Variants in HDAC4 observed in about 807,000 individuals in gnomAD.
HDAC4 encodes histone deacetylase A.
Under a neutral mutation model 135.1 loss-of-function variants are expected in HDAC4, and 16 were observed. The ratio of observed to expected loss-of-function variants is 0.12; its 90% CI spans 0.08 to 0.18. The LOEUF (loss-of-function observed/expected upper bound fraction) is 0.18. HDAC4 is among the 10% of genes least tolerant of loss of function. HDAC4 has a pLI of 1.00. For synonymous variants in HDAC4, 685 were observed against 653.4 expected, an observed-to-expected ratio of 1.05 and a Z score of -0.74; for missense variants, 1,143 against 1,511.8, an observed-to-expected ratio of 0.76 and a Z score of 4.05.
intron 2 of HDAC4, among the ~76,000 whole-genome samples, chr2:239,241,608 G>A (rs1368051943): frequency 1.3e-5 from 2 of 152,160 alleles, no homozygotes; most frequent in African/African-American, 4.8e-5. Context: ...CTGCTTTTAT[G>A]TCAGGTTCAA....
rs116441609 is a variant in HDAC4 at position 239,293,664 on chromosome 2, G to C, written c.23-57000C>G. Among the ~76,000 whole-genome samples the C allele has an allele frequency of 1.3e-3, 196 of 152,138 alleles. 1 individual carries two copies. Among genetic ancestry groups the C allele is most frequent in the Non-Finnish European group, 9.0e-4 (61 of 68,018 alleles). ...CCTCCAGGCTTCCTGCAGTGGCTAC[G>C]CACAGGGCATCTCTGGGCTCTCTCC... On this transcript the variant is annotated intron_variant, in intron 2 of 26. Coordinates refer to ENST00000543185, the MANE Select transcript of HDAC4 (RefSeq NM_001378414.1).
At chr2:239,125,086 CACGACTGATACGGTTATT>C (rs2040080032) in intron 12 of HDAC4, among the ~76,000 whole-genome samples, 1 of 152,364 alleles carries the variant, frequency 6.6e-6, no homozygotes, top group African/African-American at 2.4e-5. Flanking sequence ...ATGTGGCTAT[CACGACTGATACGGTTATT>C]ACGACTGATA....
At chr2:239,260,577 T>C (rs111697798) in intron 2 of HDAC4, among the ~76,000 whole-genome samples, 9 of 152,078 alleles carry the variant, frequency 5.9e-5, no homozygotes, top group African/African-American at 2.2e-4. Context: ...GCCTCAAGTG[T>C]CTCTATCAAA....
At chr2:239,267,102 C>T (rs968611165) in intron 2 of HDAC4, among the ~76,000 whole-genome samples, 2 of 152,142 alleles carry the variant, frequency 1.3e-5, no homozygotes, top group Admixed American at 6.5e-5. Flanking sequence ...TGGGGGGTGC[C>T]GCTTGACCAC....
Position 239,075,223 on chromosome 2 carries a change from CAAAAAAAAAAAAA to C in HDAC4, c.2750+5859_2750+5871del, listed in dbSNP as rs67188784. ...TGGGCGACAGAATGAGACTCCGTCT[CAAAAAAAAAAAAA>C]AAAAAAAAAAAAAAAAGAACTCAGT... On this transcript the variant is annotated intron_variant, in intron 22 of 26. Coordinates refer to ENST00000543185, the MANE Select transcript of HDAC4 (RefSeq NM_001378414.1). Among the ~76,000 whole-genome samples, 3 of 31,782 alleles carry C rather than the reference CAAAAAAAAAAAAA, an allele frequency of 9.4e-5. No individual in the cohort carries two copies. The East Asian group carries it at 3.4e-3, about 36-fold the overall frequency. 20.9% of individuals were successfully genotyped at this position (31,782 alleles called of 152,430 possible).
intron 22 of HDAC4, among the ~76,000 whole-genome samples, chr2:239,076,980 A>G (rs1018545126): frequency 2.0e-5 from 3 of 150,360 alleles, no homozygotes; most frequent in African/African-American, 7.4e-5. Flanking sequence ...ATCCCATCTC[A>G]CTTCAACCTC....
intron 2 of HDAC4, among the ~76,000 whole-genome samples, chr2:239,251,216 A>G (rs969527229): frequency 1.3e-5 from 2 of 152,234 alleles, no homozygotes; most frequent in Non-Finnish European, 2.9e-5. Flanking sequence ...ATGTTTTCAA[A>G]CAAAATTTTA....
In HDAC4 at chr2:239,349,951, G is replaced by T. The variant is rs754363252; in HGVS notation, c.22+2727C>A. Reference sequence around the variant, plus strand: ...GAGAGGTCGTGGGTGGCAATAAGGCGCACACAACCCAACTCACATGGGCAG... The same window carrying T: ...GAGAGGTCGTGGGTGGCAATAAGGCTCACACAACCCAACTCACATGGGCAG... On this transcript the variant is annotated intron_variant, in intron 2 of 26. Coordinates refer to ENST00000543185, the MANE Select transcript of HDAC4 (RefSeq NM_001378414.1). The surrounding 1 kb of genome is among the most constrained non-coding windows in gnomAD (Gnocchi z 5.7). Among the ~76,000 whole-genome samples the T allele has an allele frequency of 6.6e-6, 1 of 152,320 alleles. No individual in the cohort carries two copies. Among genetic ancestry groups the T allele is most frequent in the African/African-American group, 2.4e-5 (1 of 41,572 alleles).
intron 3 of HDAC4, among the ~76,000 whole-genome samples, chr2:239,224,061 C>G (rs550327316): frequency 6.6e-6 from 1 of 152,198 alleles, no homozygotes; most frequent in Admixed American, 6.5e-5. Context: ...CAGATCCATA[C>G]TAATCCTCAT....
Position 239,126,625 on chromosome 2 carries a change from G to A in HDAC4, c.1364C>T (p.Ser455Phe), listed in dbSNP as rs763782479. 3.1e-6 allele frequency: 5 copies of A among 1,614,026 alleles called. No homozygotes were observed. The highest frequency in any genetic ancestry group is 3.3e-5 in the Admixed American group (2 of 60,030). The change falls in exon 12 of 27, where the codon TCC (serine) becomes TTC (phenylalanine). Residue 455 changes from serine (S) to phenylalanine (F), a missense_variant. Physicochemically the swap from Ser to Phe is radical, Grantham distance 155. Coordinates refer to ENST00000543185, the MANE Select transcript of HDAC4 (RefSeq NM_001378414.1). ...CTGCCGCAGCTTGTGGATGGAGGGG[G>A]ACACCCGGTCTGCACCAACCAAGGA... ...AQSLVGADRV[S>F]PSIHKLRQHR... is the part of the protein sequence containing the mutation.
At chr2:239,385,205 G>A (rs1695707846) in intron 1 of HDAC4, among the ~76,000 whole-genome samples, 1 of 152,196 alleles carries the variant, frequency 6.6e-6, no homozygotes, top group Admixed American at 6.5e-5. Context: ...CAGCACCTCA[G>A]CTGAAAGGTC....
In HDAC4 at chr2:239,309,217, G is replaced by A. The variant is rs752403221; in HGVS notation, c.22+43461C>T. ...GGCCTCGCTGGGGAAGAATTCAGCCGCTCCACCCTGACATCTGGTTTCTAT... is the reference window on the plus strand; with the variant it reads ...GGCCTCGCTGGGGAAGAATTCAGCCACTCCACCCTGACATCTGGTTTCTAT... On this transcript the variant is annotated intron_variant, in intron 2 of 26. Coordinates refer to ENST00000543185, the MANE Select transcript of HDAC4 (RefSeq NM_001378414.1). The surrounding 1 kb of genome is among the most constrained non-coding windows in gnomAD (Gnocchi z 4.2). 9.2e-5 allele frequency: 14 copies of A among 152,032 alleles called. No homozygotes were observed. The highest frequency in any genetic ancestry group is 1.6e-4 in the Non-Finnish European group (11 of 68,022). 9.4% of individuals were successfully genotyped at this position (152,032 alleles called of 1,614,324 possible). A position where few individuals can be genotyped will look rare whatever the true frequency, so the allele number is the denominator to read the frequency against.
chr2:239,189,819 G>C lies in HDAC4; in HGVS notation c.339+14C>G. The C allele has an allele frequency of 6.2e-7, 1 of 1,600,116 alleles. No homozygotes were observed. On this transcript the variant is annotated intron_variant, in intron 4 of 26. Coordinates refer to ENST00000543185, the MANE Select transcript of HDAC4 (RefSeq NM_001378414.1). ...GGAGGCCTGGCCCACCCGCAGCCCC[G>C]CACCGCGCCTCACCTTGATGTGCTC...
At chr2:239,135,657 G>A (rs1290155324) in intron 9 of HDAC4, among the ~76,000 whole-genome samples, 3 of 152,182 alleles carry the variant, frequency 2.0e-5, no homozygotes, top group Non-Finnish European at 2.9e-5. Context: ...CCACTCTTGG[G>A]ATGTAACGTT....
intron 21 of HDAC4, among the ~76,000 whole-genome samples, chr2:239,081,770 G>A (rs537214529): frequency 6.6e-5 from 10 of 152,278 alleles, no homozygotes; most frequent in Non-Finnish European, 1.0e-4. Context: ...GCCCCTTGCC[G>A]GAGGGTGTCC....
intron 12 of HDAC4, among the ~76,000 whole-genome samples, chr2:239,116,686 C>A (rs566990845): frequency 3.9e-5 from 6 of 152,358 alleles, no homozygotes; most frequent in African/African-American, 1.4e-4. Flanking sequence ...TGCTCTTCTG[C>A]CATCCTGCCT....
chr2:239,315,196 C>G (rs1260440677), intron 2 of HDAC4, among the ~76,000 whole-genome samples: 2 of 152,152 alleles, frequency 1.3e-5, no homozygotes, highest in Admixed American at 6.5e-5. Flanking sequence ...CTGGACTGGA[C>G]CAATGTTCAT....
At chr2:239,393,472 G>A (rs527960085) in intron 1 of HDAC4, among the ~76,000 whole-genome samples, 7 of 152,284 alleles carry the variant, frequency 4.6e-5, no homozygotes, top group African/African-American at 1.2e-4. Flanking sequence ...CAGTTGGCCC[G>A]GCTCATCACT....
chr2:239,228,224 G>A (rs759499031), intron 3 of HDAC4, among the ~76,000 whole-genome samples: 3 of 152,152 alleles, frequency 2.0e-5, no homozygotes, highest in East Asian at 1.9e-4. Context: ...AAGCAGCCCC[G>A]GGACACCAGG....
Sources: gnomAD v4.1 joint callset for allele counts (sites outside exome capture counted in the v4.1 genomes callset) on GRCh38, gnomAD v4.1.1 for gene constraint, Gnocchi (gnomAD v3.1) non-coding constraint, MANE v1.5 for transcripts, NCBI Gene and HGNC (gene_info 2026-07-23, HGNC 2026-07-21) for gene names.